The following ADCY5 variants were observed in gnomAD, a reference collection of about 807,000 sequenced individuals.
ADCY5 encodes the protein adenylate cyclase type 5.
Under a neutral mutation model 119.7 loss-of-function variants are expected in ADCY5, and 30 were observed. The observed-to-expected ratio is 0.25, with a 90% CI of 0.19 to 0.34. ADCY5 has a LOEUF of 0.34. ADCY5 is among the 10% of genes least tolerant of loss of function. The pLI is 1.00. For synonymous variants in ADCY5, 753 were observed against 762.2 expected, an observed-to-expected ratio of 0.99 and a Z score of 0.20; for missense variants, 1,324 against 1,775.2, an observed-to-expected ratio of 0.75 and a Z score of 4.57.
At chr3:123,327,878 A>G in intron 6 of ADCY5, 119 bp from the exon 7 acceptor site, 2 of 1,221,924 alleles carry the variant, frequency 1.6e-6, no homozygotes, top group Non-Finnish European at 2.3e-6. Context: ...CTAGGGCCCC[A>G]AGCTCTGCTC....
chr3:123,429,498 C>T (rs1197756669), intron 1 of ADCY5, among the ~76,000 whole-genome samples: 1 of 152,162 alleles, frequency 6.6e-6, no homozygotes, highest in East Asian at 1.9e-4. Flanking sequence ...AGTAAGCTCC[C>T]TCATCTCAGG....
chr3:123,362,516 T>C (rs76734327), intron 1 of ADCY5, among the ~76,000 whole-genome samples: 2,320 of 152,346 alleles, frequency 0.015, 57 homozygotes, highest in African/African-American at 0.052. Flanking sequence ...TTTTAATTAC[T>C]TATTCCTAGG....
intron 1 of ADCY5, among the ~76,000 whole-genome samples, chr3:123,412,079 A>C (rs959014387): frequency 6.6e-6 from 1 of 152,158 alleles, no homozygotes; most frequent in Admixed American, 6.5e-5. Context: ...AGGTGCCAAC[A>C]AGCCCCCACT....
chr3:123,389,982 G>A (rs947570376), intron 1 of ADCY5, among the ~76,000 whole-genome samples: 3 of 152,208 alleles, frequency 2.0e-5, no homozygotes, highest in Non-Finnish European at 2.9e-5. Flanking sequence ...GGGCAAAGCC[G>A]TAGGAAGGGC....
intron 1 of ADCY5, among the ~76,000 whole-genome samples, chr3:123,396,025 G>GGAGGGAGAGAGGGAGT (rs1559859569): frequency 1.7e-5 from 2 of 118,068 alleles, no homozygotes; most frequent in East Asian, 5.8e-4. Flanking sequence ...AGAGAGGGAG[G>GGAGGGAGAGAGGGAGT]GAGGGAGAGA....
At chr3:123,387,267 C>T (rs1000472118) in intron 1 of ADCY5, among the ~76,000 whole-genome samples, 2 of 152,130 alleles carry the variant, frequency 1.3e-5, no homozygotes, top group African/African-American at 2.4e-5. Context: ...TGAAATGCAT[C>T]GATGCTTTTT....
At chr3:123,436,243 T>G (rs1945614045) in intron 1 of ADCY5, among the ~76,000 whole-genome samples, 1 of 151,932 alleles carries the variant, frequency 6.6e-6, no homozygotes, top group Non-Finnish European at 1.5e-5. Flanking sequence ...CATGGTGTTG[T>G]GCACCTGTAG....
intron 8 of ADCY5, among the ~76,000 whole-genome samples, chr3:123,321,400 A>G (rs1160061036): frequency 2.0e-5 from 3 of 152,184 alleles, no homozygotes; most frequent in Admixed American, 1.3e-4. Flanking sequence ...CTGTTCTATC[A>G]GAGTTGAGGG....
intron 1 of ADCY5, among the ~76,000 whole-genome samples, chr3:123,437,858 G>C (rs968986336): frequency 1.3e-5 from 2 of 152,148 alleles, no homozygotes; most frequent in African/African-American, 4.8e-5. Flanking sequence ...AACCTCTTCC[G>C]ATGTCTAACA....
chr3:123,412,288 T>G (rs193268434), intron 1 of ADCY5, among the ~76,000 whole-genome samples: 7 of 152,218 alleles, frequency 4.6e-5, no homozygotes, highest in Admixed American at 4.6e-4. Flanking sequence ...TTAGAGAAGG[T>G]ATTCGCCCCA....
At chr3:123,359,564 C>T (rs1040596165) in intron 1 of ADCY5, among the ~76,000 whole-genome samples, 2 of 151,522 alleles carry the variant, frequency 1.3e-5, no homozygotes, top group African/African-American at 2.4e-5. Context: ...CAGCGTTTTC[C>T]GTGTGCATCA....
Position 123,284,348 on chromosome 3 carries a change from A to G in ADCY5, c.*260T>C. 1 of 473,234 alleles carries G rather than the reference A, an allele frequency of 2.1e-6. No homozygotes were observed. The highest frequency in any genetic ancestry group is 2.7e-5 in the South Asian group (1 of 36,722). 29.3% of individuals were successfully genotyped at this position (473,234 alleles called of 1,614,324 possible). A position where few individuals can be genotyped will look rare whatever the true frequency, so the allele number is the denominator to read the frequency against. On this transcript the variant is annotated 3_prime_UTR_variant, in exon 21 of 21. Transcript: ENST00000462833. ...GCACCTGTTAGAAAACTCAAGCTTCAGACCCAGTCTAGCAGAGTCTTCTAC... is the reference window on the plus strand; with the variant it reads ...GCACCTGTTAGAAAACTCAAGCTTCGGACCCAGTCTAGCAGAGTCTTCTAC...
intron 2 of ADCY5, among the ~76,000 whole-genome samples, chr3:123,349,366 T>C (rs1305164336): frequency 6.6e-6 from 1 of 152,228 alleles, no homozygotes; most frequent in Non-Finnish European, 1.5e-5. Flanking sequence ...GACGAAGTCC[T>C]GCTCATCTGG....
Position 123,296,198 on chromosome 3 carries a change from C to A in ADCY5, c.2949G>T (p.Lys983Asn). The change falls in exon 17 of 21, where the codon AAG becomes AAT. Residue 983 changes from lysine (K) to asparagine (N), a missense_variant. Around this residue, in one of 6 missense-constraint regions of ADCY5, gnomAD observed 424 missense variants for 546.8 expected, o/e 0.78. Coordinates refer to ENST00000462833, the MANE Select transcript of ADCY5 (RefSeq NM_183357.3). ...TGGGCGTCACCACCTTCAATGCCAC[C>A]TTGGTTGCATGCTCAGGGCTGTGGG... ...GTSQCPEHAT[K>N]VALKVVTPII... is the part of the protein sequence containing the mutation. The A allele has an allele frequency of 6.2e-7, 1 of 1,613,932 alleles. No individual in the cohort carries two copies. The highest frequency in any genetic ancestry group is 8.5e-7 in the Non-Finnish European group (1 of 1,179,996).
At chr3:123,299,283 C>T (rs114733526) in intron 15 of ADCY5, among the ~76,000 whole-genome samples, 2,507 of 152,334 alleles carry the variant, frequency 0.016, 24 homozygotes, top group Non-Finnish European at 0.03. Flanking sequence ...CTGGAACATG[C>T]CTAACTTGGT....
chr3:123,297,407 G>A lies in ADCY5; in HGVS notation c.2901-25C>T, dbSNP rs760778558. ...TCTGTGAAGAGAGTTGGGGAAGACT[G>A]GTCAGGGCCACCCTTCTGCATAAGG... On this transcript the variant is annotated intron_variant, in intron 15 of 20. Transcript: ENST00000462833. The A allele has an allele frequency of 3.1e-6, 5 of 1,613,250 alleles. No homozygotes were observed. The Admixed American group carries it at 6.7e-5, about 22-fold the overall frequency.
intron 3 of ADCY5, among the ~76,000 whole-genome samples, chr3:123,334,323 G>A (rs1941924339): frequency 6.6e-6 from 1 of 152,112 alleles, no homozygotes; most frequent in Non-Finnish European, 1.5e-5. Context: ...TCCAAGGTCT[G>A]TGCTCCTTCC....
At chr3:123,383,968 GCA>G (rs1170940753) in intron 1 of ADCY5, among the ~76,000 whole-genome samples, 5 of 130,042 alleles carry the variant, frequency 3.8e-5, no homozygotes, top group Non-Finnish European at 8.7e-5. Context: ...GTGCGCGCGC[GCA>G]CACACACACA....
At chr3:123,437,249 T>C (rs1480048908) in intron 1 of ADCY5, among the ~76,000 whole-genome samples, 1 of 152,182 alleles carries the variant, frequency 6.6e-6, no homozygotes, top group Non-Finnish European at 1.5e-5. Flanking sequence ...GGCATTCGTC[T>C]ACCAGTGCCC....
Sources: allele counts gnomAD v4.1 joint callset (sites outside exome capture counted in the v4.1 genomes callset), GRCh38; gene constraint gnomAD v4.1.1; regional missense constraint gnomAD v4.1.1; transcripts MANE v1.5; gene names NCBI Gene and HGNC (gene_info 2026-07-23, HGNC 2026-07-21).